Variants in MGA observed in about 807,000 individuals in gnomAD.
The protein encoded by MGA is MAX dimerization protein MGA, also known as MAX gene-associated protein.
Under a neutral mutation model 261.1 loss-of-function variants are expected in MGA, and 40 were observed. The ratio of observed to expected loss-of-function variants is 0.15; its 90% CI spans 0.12 to 0.20. The LOEUF is 0.20. MGA is among the 10% of genes least tolerant of loss of function. The pLI, the probability that MGA is intolerant of heterozygous loss-of-function variation, is 1.00. For missense variants in MGA, 3,397 were observed against 3,630.5 expected, an observed-to-expected ratio of 0.94 and a Z score of 1.65; for synonymous variants, 1,302 against 1,290.6, an observed-to-expected ratio of 1.01 and a Z score of -0.19.
chr15:41,652,213 T>C (rs1042186674), intron 1 of MGA, among the ~76,000 whole-genome samples: 1 of 150,678 alleles, frequency 6.6e-6, no homozygotes, highest in Non-Finnish European at 1.5e-5. Context: ...GAGCTCGTGA[T>C]CCACCCGCCT....
rs2059547672 is a variant in MGA, at chr15:41,696,265, G to A, written c.1255G>A (p.Asp419Asn). ...GACGGATGTATACTCAAACAGTGAT[G>A]ATGATCCTATACTAGAGAAACAGCT... Residue 419 changes from aspartate to asparagine, a missense_variant, in exon 3 of 24, where the codon GAT becomes AAT. Around this residue, in one of 9 missense-constraint regions of MGA, gnomAD observed 563 missense variants for 563.6 expected, o/e 1.00. Coordinates refer to ENST00000219905, the MANE Select transcript of MGA (RefSeq NM_001164273.2). 6.2e-7 allele frequency: 1 copy of A among 1,613,904 alleles called. No homozygotes were observed. The highest frequency in any genetic ancestry group is 8.5e-7 in the Non-Finnish European group (1 of 1,179,898).
intron 9 of MGA, among the ~76,000 whole-genome samples, chr15:41,726,342 A>T (rs2061246236): frequency 1.3e-5 from 2 of 152,272 alleles, no homozygotes; most frequent in African/African-American, 4.8e-5. Flanking sequence ...TGAAGTGCTT[A>T]GCACAGGTGC....
At chr15:41,706,005 G>A (rs1350310535) in intron 5 of MGA, among the ~76,000 whole-genome samples, 4 of 152,064 alleles carry the variant, frequency 2.6e-5, no homozygotes, top group Admixed American at 1.3e-4. Flanking sequence ...TTGGGAGGCC[G>A]AGGCGGGCGG....
At chr15:41,702,010 C>T (rs2059879252) in intron 5 of MGA, among the ~76,000 whole-genome samples, 1 of 151,890 alleles carries the variant, frequency 6.6e-6, no homozygotes, top group African/African-American at 2.4e-5. Flanking sequence ...TCTCCCCAAC[C>T]TTGGCTTCCT....
chr15:41,716,109 C>T (rs1439158070), intron 9 of MGA, among the ~76,000 whole-genome samples: 3 of 151,812 alleles, frequency 2.0e-5, no homozygotes, highest in Non-Finnish European at 4.4e-5. Flanking sequence ...TTGCTATTCC[C>T]TATCTAGGAG....
At chr15:41,739,926 G>A (rs1341800105) in intron 13 of MGA, 2 of 1,611,520 alleles carry the variant, frequency 1.2e-6, no homozygotes, top group South Asian at 1.1e-5. Context: ...AGAGTTACCC[G>A]CAGGCTAAGT....
intron 17 of MGA, among the ~76,000 whole-genome samples, chr15:41,752,688 TG>T (rs2062910908): frequency 6.6e-6 from 1 of 151,686 alleles, no homozygotes; most frequent in African/African-American, 2.4e-5. Flanking sequence ...CCGAGTAGCT[TG>T]GGATTACAGG....
At chr15:41,753,379 T>TC (rs1755769930) in intron 17 of MGA, among the ~76,000 whole-genome samples, 5 of 81,720 alleles carry the variant, frequency 6.1e-5, no homozygotes, top group Non-Finnish European at 1.2e-4. Flanking sequence ...AGTAAACACT[T>TC]TTTTTTTTTT....
intron 1 of MGA, among the ~76,000 whole-genome samples, chr15:41,625,696 A>G (rs1419889434): frequency 6.6e-6 from 1 of 151,768 alleles, no homozygotes; most frequent in African/African-American, 2.4e-5. Context: ...CCTGGGCGAC[A>G]GAGTGTGTGT....
Position 41,743,054 on chromosome 15 carries a change from A to C in MGA, c.5094A>C (p.Leu1698Phe), listed in dbSNP as rs2062207017. Residue 1698 changes from leucine (L) to phenylalanine (F), a missense_variant, in exon 15 of 24, where the codon TTA (leucine) becomes TTC (phenylalanine). Leu to Phe is a conservative substitution (Grantham distance 22). Around this residue, in one of 9 missense-constraint regions of MGA, gnomAD observed 1,410 missense variants for 1,386.4 expected, o/e 1.02. Transcript: ENST00000219905. ...TTGCTTCCACTGCTTCCACCTCCTT[A>C]GTCGTGGTGACTGCAGCTGCATCTT... 6.2e-7 allele frequency: 1 copy of C among 1,613,812 alleles called. No individual in the cohort carries two copies. Among genetic ancestry groups the C allele is most frequent in the South Asian group, 1.1e-5 (1 of 91,084 alleles).
At chr15:41,758,871 A>C (rs532753558) in intron 19 of MGA, among the ~76,000 whole-genome samples, 3 of 152,328 alleles carry the variant, frequency 2.0e-5, no homozygotes, top group South Asian at 2.1e-4. Flanking sequence ...CAAAACCAAG[A>C]AACTGCACAG....
At chr15:41,656,375 T>A (rs62003898), upstream of MGA, among the ~76,000 whole-genome samples, 235 of 51,834 alleles carry the variant, frequency 4.5e-3, 6 homozygotes, top group Middle Eastern at 0.079. Flanking sequence ...TCTCTCTCTC[T>A]CTCACACCCA....
chr15:41,767,572 A>G lies in MGA; in HGVS notation c.*292A>G, dbSNP rs543410233. 2.9e-5 allele frequency: 11 copies of G among 374,566 alleles called. No individual in the cohort carries two copies. Among genetic ancestry groups the G allele is most frequent in the Middle Eastern group, 7.2e-4 (1 of 1,380 alleles). 23.2% of individuals were successfully genotyped at this position (374,566 alleles called of 1,614,324 possible). ...GGTGCCCCTCTTACCCAAGGAATTTATAACATGACTCTGGCTCCACAGTGG... is the reference window on the plus strand; with the variant it reads ...GGTGCCCCTCTTACCCAAGGAATTTGTAACATGACTCTGGCTCCACAGTGG... On this transcript the variant is annotated 3_prime_UTR_variant, in exon 24 of 24. Coordinates refer to ENST00000219905, the MANE Select transcript of MGA (RefSeq NM_001164273.2).
At chr15:41,680,324 A>G (rs796681187) in intron 2 of MGA, among the ~76,000 whole-genome samples, 10 of 152,332 alleles carry the variant, frequency 6.6e-5, no homozygotes, top group Admixed American at 2.0e-4. Flanking sequence ...TTACTAATCT[A>G]CTTAACTTTT....
chr15:41,715,798 T>G (rs1474627930), intron 9 of MGA, among the ~76,000 whole-genome samples: 4 of 152,196 alleles, frequency 2.6e-5, no homozygotes, highest in Non-Finnish European at 5.9e-5. Context: ...TTTGTGTAAA[T>G]AAGATTTTAA....
intron 1 of MGA, among the ~76,000 whole-genome samples, chr15:41,653,597 A>T (rs1184733254): frequency 6.6e-6 from 1 of 151,528 alleles, no homozygotes; most frequent in Non-Finnish European, 1.5e-5. Context: ...AATCCCAGCT[A>T]CTCAGGAGGC....
chr15:41,727,463 T>G, intron 10 of MGA, 57 bp downstream of exon 10: 1 of 1,506,664 alleles, frequency 6.6e-7, no homozygotes. Flanking sequence ...GTAAAGATGG[T>G]GTGTTTCAAG....
chr15:41,700,493 G>A (rs1364715478), intron 5 of MGA, among the ~76,000 whole-genome samples: 1 of 152,130 alleles, frequency 6.6e-6, no homozygotes, highest in Admixed American at 6.6e-5. Context: ...AAAACATGCA[G>A]TGTTTGGTTT....
intron 1 of MGA, among the ~76,000 whole-genome samples, chr15:41,634,505 ATG>A (rs914359191): frequency 4.6e-5 from 7 of 152,064 alleles, no homozygotes; most frequent in African/African-American, 1.7e-4. Flanking sequence ...ATGTTTATGT[ATG>A]TGTGTGTGTA....
Sources: gnomAD v4.1 joint callset for allele counts (sites outside exome capture counted in the v4.1 genomes callset) on GRCh38, gnomAD v4.1.1 for gene constraint, gnomAD v4.1.1 regional missense constraint, MANE v1.5 for transcripts, NCBI Gene and HGNC (gene_info 2026-07-23, HGNC 2026-07-21) for gene names.